Variants in ZFAND1 observed in about 807,000 individuals in gnomAD.
The protein encoded by ZFAND1 is AN1-type zinc finger protein 1.
A neutral mutation model predicts 38.5 loss-of-function variants in ZFAND1; 40 were observed. The ratio of observed to expected loss-of-function variants is 1.04; its 90% CI spans 0.81 to 1.35. ZFAND1 has a LOEUF of 1.35. Ranked by LOEUF, ZFAND1 falls within the 40% of genes most tolerant of loss-of-function variation. ZFAND1 has a pLI of 0.00. For synonymous variants in ZFAND1, 117 were observed against 103.6 expected, an observed-to-expected ratio of 1.13 and a Z score of -0.78; for missense variants, 346 against 316.3, an observed-to-expected ratio of 1.09 and a Z score of -0.71.
chr8:81,709,168 G>T (rs1433286494), intron 6 of ZFAND1, among the ~76,000 whole-genome samples: 1 of 152,102 alleles, frequency 6.6e-6, no homozygotes, highest in Non-Finnish European at 1.5e-5. Flanking sequence ...CACCACAGAA[G>T]AGAATGCAGT....
intron 6 of ZFAND1, among the ~76,000 whole-genome samples, chr8:81,710,672 C>T (rs950386900): frequency 3.3e-5 from 5 of 151,842 alleles, no homozygotes; most frequent in African/African-American, 7.3e-5. Context: ...AAATATAAAG[C>T]GATGAAAAAA....
In ZFAND1 at chr8:81,701,807, CAAATAG is replaced by C. The variant is rs1231374089; in HGVS notation, c.*882_*887del. 2 of 152,062 alleles carry C rather than the reference CAAATAG, an allele frequency of 1.3e-5. No homozygotes were observed. Among genetic ancestry groups the C allele is most frequent in the African/African-American group, 2.4e-5 (1 of 41,416 alleles). The allele number at this position is 152,062 out of a possible 1,614,324, so 9.4% of individuals were successfully genotyped here. A position where few individuals can be genotyped will look rare whatever the true frequency, so the allele number is the denominator to read the frequency against. ...ATTAGAACAGAAAACAAAAAAAGGA[CAAATAG>C]AAATACTTTCCATTCTGTCTATATA... On this transcript the variant is annotated 3_prime_UTR_variant, in exon 8 of 8. Transcript: ENST00000220669.
chr8:81,708,884 T>C (rs1231989419), intron 6 of ZFAND1: 3 of 951,778 alleles, frequency 3.2e-6, no homozygotes, highest in African/African-American at 1.8e-5. Context: ...CTAAAGATGA[T>C]TAAAAAACTA....
intron 6 of ZFAND1, among the ~76,000 whole-genome samples, chr8:81,708,032 T>C (rs1436401015): frequency 6.6e-6 from 1 of 152,104 alleles, no homozygotes; most frequent in African/African-American, 2.4e-5. Flanking sequence ...GTGGATCACC[T>C]GAAGTCAGGA....
In ZFAND1 at chr8:81,702,772, T is replaced by C. The variant is rs1807848758; in HGVS notation, c.730A>G (p.Asn244Asp). 6.2e-7 allele frequency: 1 copy of C among 1,606,226 alleles called. No individual in the cohort carries two copies. Among genetic ancestry groups the C allele is most frequent in the African/African-American group, 1.3e-5 (1 of 74,718 alleles). Residue 244 changes from asparagine (N) to aspartate (D), a missense_variant, in exon 8 of 8, where the codon AAT becomes GAT. Coordinates refer to ENST00000220669, the MANE Select transcript of ZFAND1 (RefSeq NM_024699.3). ...WIAKEDCPLY[N>D]GGNIILEYLN... is the part of the protein sequence containing the mutation. ...TATTCCAAGATTATATTTCCACCAT[T>C]ATATAAAGGACAATCCTCCTTAGCA...
chr8:81,721,217 C>T lies in ZFAND1; in HGVS notation c.55+10G>A, dbSNP rs2130263. ...CGGCCGGGGATGGGGGCTGGAAGCT[C>T]CCGGATCACCTCGCTGCCGGCAATG... On this transcript the variant is annotated intron_variant, in intron 1 of 7. Coordinates refer to ENST00000220669, the MANE Select transcript of ZFAND1 (RefSeq NM_024699.3). The T allele has an allele frequency of 1.6e-5, 25 of 1,547,296 alleles. No homozygotes were observed. In the South Asian group the frequency reaches 2.1e-4, roughly 13 times the overall value.
At chr8:81,708,792 T>C in intron 6 of ZFAND1, 1 of 1,262,838 alleles carries the variant, frequency 7.9e-7, no homozygotes, top group Non-Finnish European at 1.0e-6. Context: ...TCTTACCAAG[T>C]TAGTGCTCTT....
chr8:81,715,929 G>A (rs1808295279), intron 3 of ZFAND1, among the ~76,000 whole-genome samples: 1 of 152,152 alleles, frequency 6.6e-6, no homozygotes, highest in African/African-American at 2.4e-5. Flanking sequence ...AGAAAACACA[G>A]GATAGATTTA....
Position 81,715,024 on chromosome 8 carries a change from CT to C in ZFAND1, c.228del (p.Val77LeufsTer12). On this transcript the variant is annotated frameshift_variant, in exon 4 of 8. Transcript: ENST00000220669. LOFTEE classifies it high-confidence loss of function. ...FKDCAERELV[A>X]VICPYCEKNF... ...TTCTTCTCACAATAAGGACATATAA[CT>C]GCCACAAGTTCTCTCTCAGCACAGT... 6.2e-7 allele frequency: 1 copy of C among 1,614,104 alleles called. No homozygotes were observed. The highest frequency in any genetic ancestry group is 8.5e-7 in the Non-Finnish European group (1 of 1,179,986).
At position 81,714,810 on chromosome 8, in the gene ZFAND1, T is replaced by C. The variant is rs764748593; in HGVS notation, c.352A>G (p.Ile118Val). ...ACGCTTTCTAGATACTTACCAATAATGTCTTTAACAAGTTTCTGAGTGGCA... is the reference window on the plus strand; with the variant it reads ...ACGCTTTCTAGATACTTACCAATAACGTCTTTAACAAGTTTCTGAGTGGCA... The part of the protein sequence containing the change: ...MAATQKLVKD[I>V]IDSKTGETAS... The change falls in exon 5 of 8, where the codon ATT becomes GTT. Residue 118 changes from isoleucine to valine, a missense_variant. Coordinates refer to ENST00000220669, the MANE Select transcript of ZFAND1 (RefSeq NM_024699.3). 7.4e-6 allele frequency: 12 copies of C among 1,613,804 alleles called. No individual in the cohort carries two copies. The South Asian group carries it at 7.7e-5, about 10-fold the overall frequency.
rs1289485944 is a variant in ZFAND1, at chr8:81,701,741, CCTTTT to C, written c.*949_*953del. ...ACCAAATGAGCATTCCAAATTTATTCCTTTTAAGTAAACCTATAGCCACTACATAT... is the reference window on the plus strand; with the variant it reads ...ACCAAATGAGCATTCCAAATTTATTCAAGTAAACCTATAGCCACTACATAT... On this transcript the variant is annotated 3_prime_UTR_variant, in exon 8 of 8. Coordinates refer to ENST00000220669, the MANE Select transcript of ZFAND1 (RefSeq NM_024699.3). 1 of 152,128 alleles carries C rather than the reference CCTTTT, an allele frequency of 6.6e-6. No individual in the cohort carries two copies. The highest frequency in any genetic ancestry group is 2.4e-5 in the African/African-American group (1 of 41,402). The allele number at this position is 152,128 out of a possible 1,614,324, so 9.4% of individuals were successfully genotyped here.
chr8:81,713,497 A>G (rs1187589860), intron 6 of ZFAND1, among the ~76,000 whole-genome samples: 1 of 151,878 alleles, frequency 6.6e-6, no homozygotes, highest in Non-Finnish European at 1.5e-5. Flanking sequence ...GTATGTATGT[A>G]TATATATATA....
At chr8:81,716,224 A>C (rs557283327) in intron 3 of ZFAND1, among the ~76,000 whole-genome samples, 1 of 152,242 alleles carries the variant, frequency 6.6e-6, no homozygotes, top group Non-Finnish European at 1.5e-5. Context: ...GAAAAGTGTT[A>C]GAACACATTG....
chr8:81,712,389 GACAA>G (rs1276888109), intron 6 of ZFAND1, among the ~76,000 whole-genome samples: 1 of 151,886 alleles, frequency 6.6e-6, no homozygotes, highest in African/African-American at 2.4e-5. Flanking sequence ...TCAACATTAA[GACAA>G]ACAATGATAA....
chr8:81,717,540 T>C (rs186876797), intron 2 of ZFAND1, among the ~76,000 whole-genome samples: 6 of 152,274 alleles, frequency 3.9e-5, no homozygotes, highest in African/African-American at 7.2e-5. Context: ...TTACGTTGCA[T>C]GAAAATATAA....
At chr8:81,712,780 T>C (rs1808176732) in intron 6 of ZFAND1, among the ~76,000 whole-genome samples, 1 of 152,184 alleles carries the variant, frequency 6.6e-6, no homozygotes, top group African/African-American at 2.4e-5. Context: ...ATTCTAAAGA[T>C]GTCAACTCTC....
At chr8:81,707,810 G>A (rs1240591344) in intron 6 of ZFAND1, among the ~76,000 whole-genome samples, 1 of 152,116 alleles carries the variant, frequency 6.6e-6, no homozygotes, top group Non-Finnish European at 1.5e-5. Flanking sequence ...CATGAAGGTG[G>A]TATTTTGATA....
In ZFAND1 at chr8:81,717,541, G is replaced by A. The variant is rs546134746; in HGVS notation, c.99-253C>T. On this transcript the variant is annotated intron_variant, in intron 2 of 7. Transcript: ENST00000220669. ...ACCCTAAATTACGTTTACGTTGCAT[G>A]AAAATATAAACATATCTTTCAGCTC... Among the ~76,000 whole-genome samples the A allele has an allele frequency of 6.6e-5, 10 of 152,188 alleles. No homozygotes were observed. In the South Asian group the frequency reaches 2.1e-3, roughly 32 times the overall value.
Position 81,714,772 on chromosome 8 carries a change from A to G in ZFAND1, c.358+32T>C, listed in dbSNP as rs184712441. 34 of 1,600,440 alleles carry G rather than the reference A, an allele frequency of 2.1e-5. No individual in the cohort carries two copies. In the East Asian group the frequency reaches 6.9e-4, roughly 33 times the overall value. ...AAGAAGCAGGAGCTCTGGAACTAGGAAAGCAACAAAACACGCTTTCTAGAT... is the reference window on the plus strand; with the variant it reads ...AAGAAGCAGGAGCTCTGGAACTAGGGAAGCAACAAAACACGCTTTCTAGAT... On this transcript the variant is annotated intron_variant, in intron 5 of 7. Transcript: ENST00000220669.
Sources: allele counts gnomAD v4.1 joint callset (sites outside exome capture counted in the v4.1 genomes callset), GRCh38; gene constraint gnomAD v4.1.1; transcripts MANE v1.5; gene names NCBI Gene and HGNC (gene_info 2026-07-23, HGNC 2026-07-21).